The following SBF2 variants were observed in gnomAD, a reference collection of about 807,000 sequenced individuals.
SBF2 encodes myotubularin-related protein 13.
A neutral mutation model predicts 225.2 loss-of-function variants in SBF2; 112 were observed. The ratio of observed to expected loss-of-function variants is 0.50; its 90% CI spans 0.43 to 0.58. The LOEUF (loss-of-function observed/expected upper bound fraction) is 0.58. Among genes scored for constraint, SBF2 ranks in the 20% least tolerant of loss-of-function variants. The pLI, the probability that SBF2 is intolerant of heterozygous loss-of-function variation, is 0.00. For synonymous variants in SBF2, 763 were observed against 773.3 expected, an observed-to-expected ratio of 0.99 and a Z score of 0.22; for missense variants, 1,996 against 2,206.2, an observed-to-expected ratio of 0.90 and a Z score of 1.91.
chr11:9,839,279 G>A, intron 26 of SBF2: 1 of 564,886 alleles, frequency 1.8e-6, no homozygotes, highest in South Asian at 2.0e-5. Context: ...CATAGGGGGT[G>A]AGTACTTTAC....
At chr11:10,012,727 T>A (rs568559757) in intron 6 of SBF2, among the ~76,000 whole-genome samples, 132 of 152,300 alleles carry the variant, frequency 8.7e-4, no homozygotes, top group African/African-American at 3.1e-3. Context: ...TTGGTAAAAA[T>A]TGGACATTAT....
At chr11:9,794,833 G>A (rs926803748) in intron 33 of SBF2, among the ~76,000 whole-genome samples, 2 of 151,986 alleles carry the variant, frequency 1.3e-5, no homozygotes, top group African/African-American at 4.8e-5. Context: ...AGCCAACAAA[G>A]GTCTGGAAGT....
intron 33 of SBF2, among the ~76,000 whole-genome samples, chr11:9,791,976 T>G (rs977492703): frequency 3.3e-5 from 5 of 152,186 alleles, no homozygotes; most frequent in Non-Finnish European, 7.4e-5. Flanking sequence ...TAGGGCAACA[T>G]GTACACATAT....
At chr11:9,939,961 G>A (rs1264900849) in intron 16 of SBF2, among the ~76,000 whole-genome samples, 2 of 152,140 alleles carry the variant, frequency 1.3e-5, no homozygotes, top group African/African-American at 4.8e-5. Context: ...GGGAAACACA[G>A]CATTTTTGAA....
chr11:10,135,381 G>C (rs1394306778), intron 2 of SBF2, among the ~76,000 whole-genome samples: 1 of 152,146 alleles, frequency 6.6e-6, no homozygotes, highest in African/African-American at 2.4e-5. Context: ...ATTAACATTT[G>C]GCTCCTCGTT....
intron 2 of SBF2, among the ~76,000 whole-genome samples, chr11:10,129,258 C>T (rs1175177247): frequency 6.6e-6 from 1 of 152,058 alleles, no homozygotes; most frequent in East Asian, 1.9e-4. Context: ...CATGCACCAC[C>T]ACACCCAGTT....
intron 14 of SBF2, among the ~76,000 whole-genome samples, chr11:9,964,357 T>C (rs1037359581): frequency 1.3e-5 from 2 of 152,234 alleles, no homozygotes; most frequent in Admixed American, 6.5e-5. Flanking sequence ...TGTTCCAGTG[T>C]TGAAGTATCA....
intron 2 of SBF2, among the ~76,000 whole-genome samples, chr11:10,163,245 A>T (rs1421087207): frequency 6.6e-6 from 1 of 152,182 alleles, no homozygotes; most frequent in Non-Finnish European, 1.5e-5. Context: ...TACAGCAAAA[A>T]AAAATTTTCA....
At chr11:10,205,239 T>C (rs1748062884) in intron 1 of SBF2, among the ~76,000 whole-genome samples, 1 of 152,006 alleles carries the variant, frequency 6.6e-6, no homozygotes, top group African/African-American at 2.4e-5. Flanking sequence ...TCTTTGAATA[T>C]ACTAAAACCA....
At chr11:10,281,348 G>C (rs1339680937) in intron 1 of SBF2, among the ~76,000 whole-genome samples, 1 of 151,982 alleles carries the variant, frequency 6.6e-6, no homozygotes, top group Non-Finnish European at 1.5e-5. Context: ...GCCAGTCTTA[G>C]GAAAAAGAAA....
intron 38 of SBF2, 32 bp from the exon 39 acceptor site, chr11:9,781,670 G>A: frequency 6.2e-7 from 1 of 1,613,710 alleles, no homozygotes; most frequent in South Asian, 1.1e-5. Flanking sequence ...TGAGATATAA[G>A]AGACAGAAAG....
intron 2 of SBF2, among the ~76,000 whole-genome samples, chr11:10,096,424 TAAAAA>T (rs563258126): frequency 1.6e-5 from 2 of 126,082 alleles, no homozygotes; most frequent in African/African-American, 3.0e-5. Context: ...CAAAGTTCTG[TAAAAA>T]AAAAAAAAAA....
rs970995214 is a variant in SBF2 at position 9,851,160 on chromosome 11, A to C, written c.2611-942T>G. On this transcript the variant is annotated intron_variant, in intron 21 of 39. Coordinates refer to ENST00000256190, the MANE Select transcript of SBF2 (RefSeq NM_030962.4). ...CAAAAAAAAAAAAAACAACAACAAA[A>C]AAAAACCCAGAATACATAGATTAGT... 1.3e-5 allele frequency among the ~76,000 whole-genome samples: 2 copies of C among 151,656 alleles called. 1 individual carries two copies.
intron 2 of SBF2, among the ~76,000 whole-genome samples, chr11:10,081,453 T>G (rs1258733282): frequency 6.6e-6 from 1 of 151,996 alleles, no homozygotes; most frequent in Non-Finnish European, 1.5e-5. Flanking sequence ...ATTTATAACA[T>G]TAAATACCTC....
intron 17 of SBF2, among the ~76,000 whole-genome samples, chr11:9,862,892 C>T (rs1394711697): frequency 6.6e-6 from 1 of 152,086 alleles, no homozygotes; most frequent in Admixed American, 6.6e-5. Flanking sequence ...AGATTTAACT[C>T]ATACTGAGGG....
intron 2 of SBF2, among the ~76,000 whole-genome samples, chr11:10,143,741 G>A (rs893961210): frequency 1.6e-4 from 24 of 149,450 alleles, no homozygotes; most frequent in African/African-American, 5.7e-4. Context: ...TTTTTTAGAC[G>A]AAGTCTCGCT....
chr11:10,029,727 G>T, intron 5 of SBF2, 38 bp downstream of exon 5: 1 of 1,252,888 alleles, frequency 8.0e-7, no homozygotes, highest in Non-Finnish European at 1.2e-6. Flanking sequence ...AGGGGAAGAG[G>T]AACAATCCTT....
At chr11:9,819,785 C>T (rs1163553843) in intron 28 of SBF2, among the ~76,000 whole-genome samples, 1 of 152,198 alleles carries the variant, frequency 6.6e-6, no homozygotes, top group East Asian at 1.9e-4. Context: ...AACAATGAAG[C>T]TCTAGCAACC....
At chr11:9,873,787 G>A (rs1191318405) in intron 17 of SBF2, among the ~76,000 whole-genome samples, 1 of 152,152 alleles carries the variant, frequency 6.6e-6, no homozygotes, top group Non-Finnish European at 1.5e-5. Flanking sequence ...GGTGGCTCAC[G>A]CCTGTAATCC....
Sources: allele counts gnomAD v4.1 joint callset (sites outside exome capture counted in the v4.1 genomes callset), GRCh38; gene constraint gnomAD v4.1.1; transcripts MANE v1.5; gene names NCBI Gene and HGNC (gene_info 2026-07-23, HGNC 2026-07-21).